Variants in GSTCD observed in about 807,000 individuals in gnomAD.
GSTCD encodes glutathione S-transferase C-terminal domain-containing protein.
A neutral mutation model predicts 68.3 loss-of-function variants in GSTCD; 44 were observed. The ratio of observed to expected loss-of-function variants is 0.64; its 90% CI spans 0.51 to 0.83. GSTCD has a LOEUF of 0.83. GSTCD is among the 40% of genes least tolerant of loss of function. The probability of loss-of-function intolerance (pLI) is 0.00; values close to 1 mark genes in which losing one functional copy is unlikely to be tolerated. For synonymous variants in GSTCD, 273 were observed against 255.2 expected, an observed-to-expected ratio of 1.07 and a Z score of -0.67; for missense variants, 739 against 735.9, an observed-to-expected ratio of 1.00 and a Z score of -0.05.
chr4:105,771,995 A>T (rs1215055058), intron 5 of GSTCD, among the ~76,000 whole-genome samples: 3 of 152,140 alleles, frequency 2.0e-5, no homozygotes, highest in African/African-American at 7.2e-5. Flanking sequence ...GATTCTTCCT[A>T]TCCATGAGCA....
intron 5 of GSTCD, among the ~76,000 whole-genome samples, chr4:105,804,534 G>A (rs1013467394): frequency 2.4e-4 from 37 of 152,008 alleles, no homozygotes; most frequent in African/African-American, 8.7e-4. Flanking sequence ...AATACCTGAG[G>A]GTGTTGTAGA....
At chr4:105,726,308 A>C (rs1259067902) in intron 3 of GSTCD, among the ~76,000 whole-genome samples, 1 of 152,184 alleles carries the variant, frequency 6.6e-6, no homozygotes, top group Non-Finnish European at 1.5e-5. Context: ...AAATTCTAGA[A>C]AAGGCAAAAT....
At chr4:105,718,119 C>G in intron 2 of GSTCD, 80 bp downstream of exon 2, 1 of 1,105,814 alleles carries the variant, frequency 9.0e-7, no homozygotes, top group Non-Finnish European at 1.3e-6. Flanking sequence ...ATTTTAACTT[C>G]CTATTAGGAA....
At chr4:105,765,324 C>T (rs1290022995) in intron 5 of GSTCD, among the ~76,000 whole-genome samples, 2 of 152,140 alleles carry the variant, frequency 1.3e-5, no homozygotes, top group African/African-American at 4.8e-5. Context: ...TATGTGCATT[C>T]CTAATAACTC....
rs910067943 is a variant in GSTCD, at chr4:105,847,048, T to G, written c.*1471T>G. On this transcript the variant is annotated 3_prime_UTR_variant, in exon 12 of 12. Coordinates refer to ENST00000515279, the MANE Select transcript of GSTCD (RefSeq NM_001370181.1). ...TATTTATATATTTCTGGGTAAAACT[T>G]ATTAGTGGTGTGAGGAGTGCAGAAT... 1 of 152,196 alleles carries G rather than the reference T, an allele frequency of 6.6e-6. No individual in the cohort carries two copies. Among genetic ancestry groups the G allele is most frequent in the African/African-American group, 2.4e-5 (1 of 41,442 alleles). The allele number at this position is 152,196 out of a possible 1,614,324, so 9.4% of individuals were successfully genotyped here. A position where few individuals can be genotyped will look rare whatever the true frequency, so the allele number is the denominator to read the frequency against.
At chr4:105,736,896 C>G (rs747053210) in intron 5 of GSTCD, among the ~76,000 whole-genome samples, 6 of 152,084 alleles carry the variant, frequency 3.9e-5, no homozygotes, top group Non-Finnish European at 5.9e-5. Flanking sequence ...ATCCATGTTG[C>G]TGTGAATGAC....
chr4:105,826,598 A>G (rs1301577777), intron 8 of GSTCD, among the ~76,000 whole-genome samples: 2 of 152,128 alleles, frequency 1.3e-5, no homozygotes, highest in South Asian at 2.1e-4. Context: ...ACGCATATAA[A>G]TGCATATTTT....
chr4:105,768,181 C>A (rs1043360655), intron 5 of GSTCD, among the ~76,000 whole-genome samples: 2 of 151,972 alleles, frequency 1.3e-5, no homozygotes, highest in Non-Finnish European at 2.9e-5. Context: ...GCGCCCACCA[C>A]CACGCCCGGC....
chr4:105,720,210 A>G (rs1187055139), intron 3 of GSTCD, among the ~76,000 whole-genome samples: 1 of 152,218 alleles, frequency 6.6e-6, no homozygotes, highest in Non-Finnish European at 1.5e-5. Context: ...ACACGTGTGC[A>G]CACACACATT....
chr4:105,775,396 C>T (rs547739574), intron 5 of GSTCD, among the ~76,000 whole-genome samples: 7 of 152,030 alleles, frequency 4.6e-5, no homozygotes, highest in African/African-American at 9.7e-5. Flanking sequence ...CCCTTGCTGG[C>T]GAGTTGTGAT....
chr4:105,827,621 G>A (rs1333849807), intron 8 of GSTCD, among the ~76,000 whole-genome samples: 11 of 152,188 alleles, frequency 7.2e-5, no homozygotes, highest in Admixed American at 2.0e-4. Context: ...TCTAACTCCT[G>A]TGTTAAATGT....
At chr4:105,789,296 C>A (rs990395713) in intron 5 of GSTCD, among the ~76,000 whole-genome samples, 1 of 152,052 alleles carries the variant, frequency 6.6e-6, no homozygotes, top group Non-Finnish European at 1.5e-5. Context: ...GTTTATACAG[C>A]GAGTATTTAT....
chr4:105,721,482 C>T (rs1237256353), intron 3 of GSTCD, among the ~76,000 whole-genome samples: 2 of 151,886 alleles, frequency 1.3e-5, no homozygotes, highest in African/African-American at 2.4e-5. Context: ...AATATTTAGT[C>T]GCAGGAATAA....
chr4:105,769,837 C>A (rs1267637857), intron 5 of GSTCD, among the ~76,000 whole-genome samples: 1 of 152,122 alleles, frequency 6.6e-6, no homozygotes, highest in African/African-American at 2.4e-5. Flanking sequence ...CTCACTGCAG[C>A]CTCAATCTCC....
intron 5 of GSTCD, among the ~76,000 whole-genome samples, chr4:105,733,285 G>T (rs1733323254): frequency 6.6e-6 from 1 of 152,116 alleles, no homozygotes; most frequent in Non-Finnish European, 1.5e-5. Context: ...GTTGACAGTG[G>T]GGTGTTAAAA....
At chr4:105,743,757 C>T (rs1416638408) in intron 5 of GSTCD, among the ~76,000 whole-genome samples, 1 of 145,302 alleles carries the variant, frequency 6.9e-6, no homozygotes, top group African/African-American at 2.6e-5. Flanking sequence ...CTCCCAGATT[C>T]ACGCTGTTCT....
chr4:105,717,767 G>T lies in GSTCD; in HGVS notation c.154G>T (p.Val52Phe), dbSNP rs1315909529. ...DCKIFKICLV[V>F]TKEVSRDSSL... ...TAAAATCTTTAAAATTTGCTTAGTTGTCACCAAAGAGGTGAGTAGAGATAG... is the reference window on the plus strand; with the variant it reads ...TAAAATCTTTAAAATTTGCTTAGTTTTCACCAAAGAGGTGAGTAGAGATAG... Residue 52 changes from valine to phenylalanine, a missense_variant, in exon 2 of 12, where the codon GTC becomes TTC. By Grantham distance (50) the Val-to-Phe change is conservative. Coordinates refer to ENST00000515279, the MANE Select transcript of GSTCD (RefSeq NM_001370181.1). The T allele has an allele frequency of 6.2e-7, 1 of 1,613,674 alleles. No homozygotes were observed. The highest frequency in any genetic ancestry group is 8.5e-7 in the Non-Finnish European group (1 of 1,179,784).
rs745417555 is a variant in GSTCD, at chr4:105,717,587, C to T, written c.-21-6C>T. On this transcript the variant is annotated splice_region_variant and splice_polypyrimidine_tract_variant and intron_variant, in intron 1 of 11. Coordinates refer to ENST00000515279, the MANE Select transcript of GSTCD (RefSeq NM_001370181.1). The stretch of plus-strand genomic sequence containing the variant: ...AAGACCATAATCACTTCAATTTATA[C>T]TTTAGGTGACCCAATGAAAGAAGAA... The T allele has an allele frequency of 3.4e-6, 5 of 1,474,424 alleles. No homozygotes were observed. The highest frequency in any genetic ancestry group is 1.4e-5 in the African/African-American group (1 of 70,748). The allele number at this position is 1,474,424 out of a possible 1,614,324, so 91.3% of individuals were successfully genotyped here.
rs537218269 is a variant in GSTCD, at chr4:105,744,257, C to T, written c.1240+14758C>T. ...GATGTTTTATCCTTTTCAGTGCAGC[C>T]TATCAGGAGGCACATTATGTCAGAT... On this transcript the variant is annotated intron_variant, in intron 5 of 11. Coordinates refer to ENST00000515279, the MANE Select transcript of GSTCD (RefSeq NM_001370181.1). Among the ~76,000 whole-genome samples, 3 of 152,290 alleles carry T rather than the reference C, an allele frequency of 2.0e-5. 1 individual carries two copies. The South Asian group carries it at 6.2e-4, about 32-fold the overall frequency.
Sources: allele counts gnomAD v4.1 joint callset (sites outside exome capture counted in the v4.1 genomes callset), GRCh38; gene constraint gnomAD v4.1.1; transcripts MANE v1.5; gene names NCBI Gene and HGNC (gene_info 2026-07-23, HGNC 2026-07-21).